TEX48: variants seen among roughly 807,000 people sequenced by gnomAD.
The protein encoded by TEX48 is testis-expressed protein 48.
Under a neutral mutation model 13.2 loss-of-function variants are expected in TEX48, and 10 were observed. The observed-to-expected ratio is 0.75, with a 90% CI of 0.47 to 1.28. The LOEUF (loss-of-function observed/expected upper bound fraction) is 1.28, where lower values mean the gene tolerates loss of function less well. TEX48 is among the 50% of genes most tolerant of loss of function. The pLI, the probability that TEX48 is intolerant of heterozygous loss-of-function variation, is 0.00. For synonymous variants in TEX48, 45 were observed against 52.3 expected, an observed-to-expected ratio of 0.86 and a Z score of 0.60; for missense variants, 116 against 139.4, an observed-to-expected ratio of 0.83 and a Z score of 0.84.
intron 1 of TEX48, among the ~76,000 whole-genome samples, chr9:114,681,335 C>CT (rs773990304): frequency 6.6e-5 from 10 of 152,078 alleles, no homozygotes; most frequent in Non-Finnish European, 1.5e-4. Context: ...CAGCAGAGAG[C>CT]TTTGAGTTTT....
At chr9:114,674,558 CTTCT>C (rs1414796682) in intron 1 of TEX48, among the ~76,000 whole-genome samples, 4 of 150,276 alleles carry the variant, frequency 2.7e-5, no homozygotes, top group Non-Finnish European at 5.9e-5. Flanking sequence ...CTCTCTTTTT[CTTCT>C]TTTTTTCTTT....
chr9:114,667,095 G>C (rs1049793216), intron 4 of TEX48, among the ~76,000 whole-genome samples: 6 of 152,184 alleles, frequency 3.9e-5, no homozygotes, highest in South Asian at 4.1e-4. Context: ...CACCCCTATG[G>C]GGGGGTGGGA....
chr9:114,674,110 A>C (rs1269693490), intron 1 of TEX48, among the ~76,000 whole-genome samples: 2 of 152,132 alleles, frequency 1.3e-5, no homozygotes, highest in African/African-American at 4.8e-5. Flanking sequence ...CTGGCCAGAA[A>C]GATTTTTTCT....
chr9:114,670,894 G>A lies in TEX48; in HGVS notation c.127+489C>T, dbSNP rs116840657. Among the ~76,000 whole-genome samples the A allele has an allele frequency of 3.8e-3, 571 of 152,224 alleles. 4 individuals are homozygous for A. The highest frequency in any genetic ancestry group is 0.013 in the African/African-American group (545 of 41,538). ...TATTGCCTCACAATAATAATGTATT[G>A]TGAATATCCCTGTTTTAGAGGCAAG... On this transcript the variant is annotated intron_variant, in intron 3 of 4. Coordinates refer to ENST00000436752, the MANE Select transcript of TEX48 (RefSeq NM_001199233.2).
intron 1 of TEX48, among the ~76,000 whole-genome samples, chr9:114,680,125 T>TTTTTTTTTTTTTTTA (rs1828162901): frequency 7.1e-6 from 1 of 140,896 alleles, no homozygotes; most frequent in Non-Finnish European, 1.6e-5. Flanking sequence ...TTGTCCCTTT[T>TTTTTTTTTTTTTTTA]TTTTTTTTTT....
At chr9:114,676,390 C>T (rs983368181) in intron 1 of TEX48, among the ~76,000 whole-genome samples, 11 of 151,870 alleles carry the variant, frequency 7.2e-5, no homozygotes, top group East Asian at 3.9e-4. Context: ...AGGCTTATCT[C>T]GAATTCCTTA....
At chr9:114,668,076 G>C in intron 4 of TEX48, 130 bp downstream of exon 4, 1 of 1,180,232 alleles carries the variant, frequency 8.5e-7, no homozygotes, top group Non-Finnish European at 1.2e-6. Context: ...ATATGACTGG[G>C]GCTGCTTGAT....
chr9:114,668,138 G>T, intron 4 of TEX48, 68 bp downstream of exon 4: 1 of 1,526,366 alleles, frequency 6.6e-7, no homozygotes, highest in Non-Finnish European at 8.8e-7. Context: ...AATGGGGTCT[G>T]GTTATTAGGA....
chr9:114,675,451 A>G (rs1162998973), intron 1 of TEX48, among the ~76,000 whole-genome samples: 1 of 152,156 alleles, frequency 6.6e-6, no homozygotes, highest in Non-Finnish European at 1.5e-5. Context: ...CTCTGTCTCT[A>G]GAGTCAGAAG....
intron 1 of TEX48, among the ~76,000 whole-genome samples, chr9:114,678,341 C>T (rs898608301): frequency 2.0e-5 from 3 of 152,188 alleles, no homozygotes; most frequent in African/African-American, 7.2e-5. Context: ...GAAGAACAAT[C>T]ACATTGCACA....
intron 1 of TEX48, among the ~76,000 whole-genome samples, chr9:114,681,153 T>A (rs1028031382): frequency 9.2e-5 from 14 of 152,248 alleles, no homozygotes; most frequent in African/African-American, 2.9e-4. Context: ...ACACCACGTT[T>A]TGCACCTTGA....
chr9:114,674,204 T>C (rs1294404968), intron 1 of TEX48, among the ~76,000 whole-genome samples: 3 of 152,178 alleles, frequency 2.0e-5, no homozygotes, highest in Non-Finnish European at 4.4e-5. Flanking sequence ...AGATACTCTG[T>C]AATCTAATCA....
intron 1 of TEX48, among the ~76,000 whole-genome samples, chr9:114,678,464 A>C (rs1291772305): frequency 6.6e-6 from 1 of 152,208 alleles, no homozygotes; most frequent in Non-Finnish European, 1.5e-5. Context: ...AGAACAAAAG[A>C]AAGTTTGTTT....
intron 3 of TEX48, among the ~76,000 whole-genome samples, chr9:114,669,766 G>A (rs1030010651): frequency 6.6e-6 from 1 of 151,874 alleles, no homozygotes; most frequent in African/African-American, 2.4e-5. Flanking sequence ...TATTTGTAGA[G>A]GTGGGATCTT....
rs145810678 is a variant in TEX48 at position 114,671,481 on chromosome 9, T to C, written c.29A>G (p.Lys10Arg). 6.5e-7 allele frequency: 1 copy of C among 1,535,392 alleles called. No individual in the cohort carries two copies. The highest frequency in any genetic ancestry group is 8.7e-7 in the Non-Finnish European group (1 of 1,146,844). The stretch of plus-strand genomic sequence containing the variant: ...GTCCCTGCAGCATAAACAGAAGATC[T>C]TCAAGATCAGGTTTTGGTGGGCTGC... MAAHQNLIL[K>R]IFCLCCRDCQ... The change falls in exon 3 of 5, where the codon AAG (lysine) becomes AGG (arginine). Residue 10 changes from lysine (K) to arginine (R), a missense_variant. Lys to Arg is a conservative substitution (Grantham distance 26). Coordinates refer to ENST00000436752, the MANE Select transcript of TEX48 (RefSeq NM_001199233.2).
chr9:114,676,838 G>A (rs1265441691), intron 1 of TEX48, among the ~76,000 whole-genome samples: 2 of 151,980 alleles, frequency 1.3e-5, no homozygotes, highest in Non-Finnish European at 2.9e-5. Flanking sequence ...GGATGGTCTC[G>A]ATCTCCTGAC....
At chr9:114,679,352 A>G (rs1589380876) in intron 1 of TEX48, among the ~76,000 whole-genome samples, 2 of 151,172 alleles carry the variant, frequency 1.3e-5, no homozygotes, top group South Asian at 2.1e-4. Flanking sequence ...CTGTTCTTTA[A>G]GAATTTGGAG....
intron 1 of TEX48, among the ~76,000 whole-genome samples, chr9:114,673,205 G>T (rs1026795426): frequency 1.3e-5 from 2 of 152,088 alleles, no homozygotes; most frequent in Non-Finnish European, 2.9e-5. Context: ...GGGCGCGGTG[G>T]CTCATGCCTG....
chr9:114,682,184 C>T lies in TEX48; in HGVS notation c.-254G>A, dbSNP rs1828216496. On this transcript the variant is annotated 5_prime_UTR_variant, in exon 1 of 5. Coordinates refer to ENST00000436752, the MANE Select transcript of TEX48 (RefSeq NM_001199233.2). ...GCACGATGCCATGCTGGCCACCAGA[C>T]TGTATACTGGGGCACAAGTCCTGGG... is the stretch of plus-strand genomic sequence containing the variant. 6.6e-6 allele frequency: 1 copy of T among 152,294 alleles called. No individual in the cohort carries two copies. Among genetic ancestry groups the T allele is most frequent in the Admixed American group, 6.6e-5 (1 of 15,262 alleles). 9.4% of individuals were successfully genotyped at this position (152,294 alleles called of 1,614,324 possible).
Sources: gnomAD v4.1 joint callset for allele counts (sites outside exome capture counted in the v4.1 genomes callset) on GRCh38, gnomAD v4.1.1 for gene constraint, MANE v1.5 for transcripts, NCBI Gene and HGNC (gene_info 2026-07-23, HGNC 2026-07-21) for gene names.